The following HKDC1 variants were observed in gnomAD, a reference collection of about 807,000 sequenced individuals.
The protein encoded by HKDC1 is hexokinase domain containing 1, also known as hexokinase HKDC1.
HKDC1 carries 66 observed loss-of-function variants against 96.6 expected under a neutral mutation model. The observed-to-expected ratio is 0.68, with a 90% confidence interval of 0.56 to 0.84. The LOEUF (loss-of-function observed/expected upper bound fraction) is 0.84. Ranked by LOEUF, HKDC1 falls within the 40% of genes least tolerant of loss-of-function variation. The pLI, the probability that HKDC1 is intolerant of heterozygous loss-of-function variation, is 0.00. For missense variants in HKDC1, 1,211 were observed against 1,208.1 expected (o/e 1.00, Z -0.04); for synonymous variants, 466 against 473.1 (o/e 0.98, Z 0.20).
In HKDC1 at chr10:69,243,194, A is replaced by G; in HGVS notation, c.704A>G (p.Asn235Ser). The G allele has an allele frequency of 6.2e-7, 1 of 1,614,214 alleles. No individual in the cohort carries two copies. The highest frequency in any genetic ancestry group is 8.5e-7 in the Non-Finnish European group (1 of 1,180,024). The change falls in exon 7 of 18, where the codon AAT (asparagine) becomes AGT (serine). Residue 235 changes from asparagine (N) to serine (S), a missense_variant. Coordinates refer to ENST00000354624, the MANE Select transcript of HKDC1 (RefSeq NM_025130.4). The stretch of plus-strand genomic sequence containing the variant: ...ATCCCTGGTTCAGGAACTGGCACCA[A>G]TGCGTGTTACATGGAGGACATGAGC... ...EVGVIIGTGTNACYMEDMSNI... is the reference protein window; with the variant it reads ...EVGVIIGTGTSACYMEDMSNI...
At chr10:69,243,135 C>G (rs764455276) in intron 6 of HKDC1, 47 bp from the exon 7 acceptor site, 2 of 1,586,506 alleles carry the variant, frequency 1.3e-6, no homozygotes, top group Non-Finnish European at 1.7e-6. Flanking sequence ...TGTCTGTGCC[C>G]AGCTGGGAGT....
At chr10:69,257,290 A>G (rs1843733431) in intron 13 of HKDC1, 37 bp from the exon 14 acceptor site, 4 of 1,580,422 alleles carry the variant, frequency 2.5e-6, no homozygotes, top group African/African-American at 2.7e-5. Context: ...AACTCATAGT[A>G]AAGCTGGGTT....
chr10:69,233,374 C>A (rs1354134384), intron 4 of HKDC1, among the ~76,000 whole-genome samples: 3 of 152,220 alleles, frequency 2.0e-5, no homozygotes, highest in South Asian at 2.1e-4. Context: ...AGCTCTCAAA[C>A]CTTGGTGTGA....
intron 16 of HKDC1, among the ~76,000 whole-genome samples, chr10:69,262,940 TAAAAG>T (rs992896200): frequency 2.0e-5 from 3 of 151,486 alleles, no homozygotes; most frequent in African/African-American, 4.9e-5. Context: ...TTTTCCGTAA[TAAAAG>T]AAAAGTTGTT....
intron 15 of HKDC1, among the ~76,000 whole-genome samples, chr10:69,260,839 G>T (rs955401234): frequency 2.0e-5 from 3 of 152,140 alleles, no homozygotes; most frequent in Non-Finnish European, 4.4e-5. Context: ...TTGCAGAGTG[G>T]AACAGATTTG....
chr10:69,254,185 A>G (rs190003288), intron 12 of HKDC1, among the ~76,000 whole-genome samples: 2,540 of 152,226 alleles, frequency 0.017, 31 homozygotes, highest in Non-Finnish European at 0.027. Context: ...GGTGCCTGCA[A>G]TCTCAGCTAT....
At chr10:69,259,835 G>T (rs1237561461) in intron 15 of HKDC1, among the ~76,000 whole-genome samples, 1 of 152,090 alleles carries the variant, frequency 6.6e-6, no homozygotes, top group Non-Finnish European at 1.5e-5. Flanking sequence ...AGAACAACAG[G>T]GGGGAAATCC....
At chr10:69,257,487 T>A in intron 14 of HKDC1, 61 bp downstream of exon 14, 2 of 1,280,966 alleles carry the variant, frequency 1.6e-6, no homozygotes, top group Non-Finnish European at 2.3e-6. Flanking sequence ...GGTTTCCTTT[T>A]AACATAGTGA....
intron 12 of HKDC1, among the ~76,000 whole-genome samples, chr10:69,251,558 C>T (rs1843644387): frequency 2.6e-5 from 4 of 152,144 alleles, no homozygotes; most frequent in Admixed American, 6.5e-5. Flanking sequence ...TGAGTTGAAC[C>T]TATATATTAA....
chr10:69,221,893 A>G (rs1160169054), intron 1 of HKDC1, among the ~76,000 whole-genome samples: 1 of 151,976 alleles, frequency 6.6e-6, no homozygotes, highest in Non-Finnish European at 1.5e-5. Context: ...CCTGGGTGAC[A>G]GAGTGAGACC....
chr10:69,223,184 A>G (rs374522976), intron 1 of HKDC1: 2 of 152,344 alleles, frequency 1.3e-5, no homozygotes, highest in African/African-American at 2.4e-5. Context: ...TTGTTCATCC[A>G]CAGGAGAACT....
At position 69,232,760 on chromosome 10, in the gene HKDC1, A is replaced by G; in HGVS notation, c.227-4A>G. ...AAATGGAAACTGAATTTGTTTCTTA[A>G]TAGAAAATGGGGAGTTCCTTTCCCT... is the stretch of plus-strand genomic sequence containing the variant. On this transcript the variant is annotated splice_region_variant and splice_polypyrimidine_tract_variant and intron_variant, in intron 2 of 17. Coordinates refer to ENST00000354624, the MANE Select transcript of HKDC1 (RefSeq NM_025130.4). 2 of 1,613,842 alleles carry G rather than the reference A, an allele frequency of 1.2e-6. No homozygotes were observed. Among genetic ancestry groups the G allele is most frequent in the Non-Finnish European group, 8.5e-7 (1 of 1,179,798 alleles).
chr10:69,224,713 G>A (rs1022787676), intron 1 of HKDC1, among the ~76,000 whole-genome samples: 2 of 152,188 alleles, frequency 1.3e-5, no homozygotes, highest in African/African-American at 4.8e-5. Flanking sequence ...TGGACTAGAC[G>A]AGCTCTAAGG....
chr10:69,257,058 A>G lies in HKDC1; in HGVS notation c.1859A>G (p.Lys620Arg). The G allele has an allele frequency of 6.2e-7, 1 of 1,614,134 alleles. No homozygotes were observed. The highest frequency in any genetic ancestry group is 8.5e-7 in the Non-Finnish European group (1 of 1,179,992). ...IDKGTLIGWT[K>R]GFKATDCEGE... ...CAGGGAACACTCATAGGGTGGACCA[A>G]AGGTTTCAAGGCCACTGACTGTGAA... The change falls in exon 13 of 18, where the codon AAA becomes AGA. Residue 620 changes from lysine to arginine, a missense_variant. Lys to Arg is a conservative substitution (Grantham distance 26). Coordinates refer to ENST00000354624, the MANE Select transcript of HKDC1 (RefSeq NM_025130.4).
Position 69,262,377 on chromosome 10 carries a change from C to G in HKDC1, c.2372+1083C>G, listed in dbSNP as rs542670963. ...TAAATCATTTCCTTAGTAGTAGAAA[C>G]ATTTGGTTAAAAGAGTATTTCACCA... On this transcript the variant is annotated intron_variant, in intron 16 of 17. Transcript: ENST00000354624. Among the ~76,000 whole-genome samples the G allele has an allele frequency of 2.6e-5, 4 of 151,702 alleles. 1 individual carries two copies. The highest frequency in any genetic ancestry group is 9.7e-5 in the African/African-American group (4 of 41,410).
At chr10:69,237,430 T>C (rs929455730) in intron 4 of HKDC1, among the ~76,000 whole-genome samples, 1 of 152,060 alleles carries the variant, frequency 6.6e-6, no homozygotes, top group Admixed American at 6.6e-5. Context: ...ATCTCAATAT[T>C]CAAATATTCC....
rs758553911 is a variant in HKDC1, at chr10:69,227,378, A to G, written c.226+9A>G. On this transcript the variant is annotated intron_variant, in intron 2 of 17. Coordinates refer to ENST00000354624, the MANE Select transcript of HKDC1 (RefSeq NM_025130.4). ...CATTCCCGATGGTTCCGGTGAGTGC[A>G]GTTGTCCGCTGCCAGGGTCCCTGGC... The G allele has an allele frequency of 2.6e-5, 42 of 1,613,900 alleles. No homozygotes were observed. The highest frequency in any genetic ancestry group is 1.6e-4 in the Middle Eastern group (1 of 6,082).
chr10:69,256,257 T>A (rs972400102), intron 12 of HKDC1, among the ~76,000 whole-genome samples: 3 of 152,374 alleles, frequency 2.0e-5, no homozygotes, highest in African/African-American at 7.2e-5. Context: ...TAATTCTTTA[T>A]GGGTGTATAT....
At chr10:69,257,008 C>G (rs1843726360) in intron 12 of HKDC1, 28 bp from the exon 13 acceptor site, 1 of 1,570,356 alleles carries the variant, frequency 6.4e-7, no homozygotes, top group Non-Finnish European at 8.8e-7. Flanking sequence ...AACTATTGCT[C>G]AAATGAATTT....
Sources: allele counts gnomAD v4.1 joint callset (sites outside exome capture counted in the v4.1 genomes callset), GRCh38; gene constraint gnomAD v4.1.1; transcripts MANE v1.5; gene names NCBI Gene and HGNC (gene_info 2026-07-23, HGNC 2026-07-21).